Variants in HDHD2 observed in about 807,000 individuals in gnomAD.
HDHD2 encodes haloacid dehalogenase-like hydrolase domain-containing protein 2.
In HDHD2, 26 loss-of-function variants were observed where a neutral mutation model predicts 24.8. That is an observed-to-expected ratio of 1.05 (90% CI 0.77 to 1.45). The LOEUF (loss-of-function observed/expected upper bound fraction) is 1.45, where lower values mean the gene tolerates loss of function less well. Among genes scored for constraint, HDHD2 ranks in the 40% most tolerant of loss-of-function variants. The pLI is 0.00. For missense variants in HDHD2, 299 were observed against 313.4 expected (o/e 0.95, Z 0.35); for synonymous variants, 128 against 114.9 (o/e 1.11, Z -0.73).
intron 2 of HDHD2, among the ~76,000 whole-genome samples, chr18:47,135,614 G>A (rs1346270249): frequency 6.6e-6 from 1 of 152,120 alleles, no homozygotes; most frequent in Non-Finnish European, 1.5e-5. Flanking sequence ...TTTAAGGTTG[G>A]AAAACATGTA....
intron 6 of HDHD2, 46 bp downstream of exon 6, chr18:47,112,931 T>C (rs762816372): frequency 3.4e-6 from 5 of 1,476,852 alleles, no homozygotes. Flanking sequence ...CAACTGTGTA[T>C]TCTACTATTC....
chr18:47,119,252 T>C (rs1476597139), intron 4 of HDHD2, among the ~76,000 whole-genome samples: 1 of 152,154 alleles, frequency 6.6e-6, no homozygotes. Context: ...TAATCTTCCT[T>C]TCATGAAAGA....
chr18:47,119,766 A>G (rs11878050), intron 4 of HDHD2, among the ~76,000 whole-genome samples: 3,998 of 152,248 alleles, frequency 0.026, 60 homozygotes, highest in Non-Finnish European at 0.041. Context: ...GATCCACCAG[A>G]GGAAATCATT....
chr18:47,134,245 G>T (rs2144352471), intron 3 of HDHD2, among the ~76,000 whole-genome samples: 1 of 152,244 alleles, frequency 6.6e-6, no homozygotes, highest in Non-Finnish European at 1.5e-5. Context: ...GCAAGAGTAA[G>T]TATTGCTTAA....
At chr18:47,135,196 G>A (rs1345702708) in intron 2 of HDHD2, among the ~76,000 whole-genome samples, 1 of 151,786 alleles carries the variant, frequency 6.6e-6, no homozygotes, top group Non-Finnish European at 1.5e-5. Flanking sequence ...GAAAGAAAGT[G>A]AGGTTTGTGT....
intron 1 of HDHD2, among the ~76,000 whole-genome samples, chr18:47,138,842 G>A (rs1047087411): frequency 2.6e-5 from 4 of 152,186 alleles, no homozygotes; most frequent in African/African-American, 9.7e-5. Flanking sequence ...TATCCTGGAG[G>A]AAGGAATGCT....
At chr18:47,116,182 CAAT>C (rs1159902386) in intron 4 of HDHD2, among the ~76,000 whole-genome samples, 2 of 152,200 alleles carry the variant, frequency 1.3e-5, no homozygotes, top group Non-Finnish European at 2.9e-5. Context: ...CCATCCATCA[CAAT>C]AATACAGCCT....
intron 1 of HDHD2, among the ~76,000 whole-genome samples, chr18:47,142,807 A>C (rs1435148691): frequency 6.6e-6 from 1 of 152,196 alleles, no homozygotes; most frequent in Non-Finnish European, 1.5e-5. Flanking sequence ...GGGAAAACCA[A>C]GGTCCAGATA....
chr18:47,129,303 GTTCAT>G (rs1221799814), intron 4 of HDHD2, among the ~76,000 whole-genome samples: 1 of 152,110 alleles, frequency 6.6e-6, no homozygotes, highest in African/African-American at 2.4e-5. Flanking sequence ...CAGCAAAATA[GTTCAT>G]TTAAGTGAAA....
chr18:47,135,064 A>T (rs1430909344), intron 2 of HDHD2, among the ~76,000 whole-genome samples: 2 of 152,082 alleles, frequency 1.3e-5, no homozygotes, highest in East Asian at 3.9e-4. Context: ...CATGTTGTCC[A>T]CTGCTTCTCC....
At chr18:47,137,468 T>C (rs1485545484) in intron 1 of HDHD2, 1 of 201,978 alleles carries the variant, frequency 5.0e-6, no homozygotes, top group Non-Finnish European at 1.0e-5. Flanking sequence ...GTAACTGGTA[T>C]ATGTGCACAA....
At chr18:47,118,163 G>A (rs1488980949) in intron 4 of HDHD2, among the ~76,000 whole-genome samples, 1 of 152,158 alleles carries the variant, frequency 6.6e-6, no homozygotes, top group African/African-American at 2.4e-5. Context: ...AGCAGCGAGA[G>A]AAAGCTGAAG....
At chr18:47,109,982 G>A (rs2147455846) in intron 6 of HDHD2, 1 of 985,278 alleles carries the variant, frequency 1.0e-6, no homozygotes, top group East Asian at 1.1e-4. Context: ...GAGAGGGGAG[G>A]GAGGAAATGC....
rs1192534600 is a variant in HDHD2 at position 47,134,669 on chromosome 18, G to A, written c.137C>T (p.Thr46Ile). 1.2e-6 allele frequency: 2 copies of A among 1,613,894 alleles called. No individual in the cohort carries two copies. Among genetic ancestry groups the A allele is most frequent in the Non-Finnish European group, 1.7e-6 (2 of 1,179,984 alleles). ...RGASVIIRFV[T>I]NTTKESKQDL... ...TTGCTTGCTCTCTTTGGTTGTATTG[G>A]TCACAAACCTAATGATTACAGAAGC... Residue 46 changes from threonine to isoleucine, a missense_variant, in exon 3 of 7, where the codon ACC (threonine) becomes ATC (isoleucine). Physicochemically the swap from Thr to Ile is moderately conservative, Grantham distance 89. Transcript: ENST00000300605.
intron 1 of HDHD2, among the ~76,000 whole-genome samples, chr18:47,144,042 C>A (rs1164311744): frequency 1.3e-5 from 2 of 151,820 alleles, no homozygotes; most frequent in Non-Finnish European, 2.9e-5. Flanking sequence ...TAAAGCCTAA[C>A]AATACTAGAT....
At chr18:47,126,164 A>G (rs577319104) in intron 4 of HDHD2, among the ~76,000 whole-genome samples, 1 of 152,344 alleles carries the variant, frequency 6.6e-6, no homozygotes, top group African/African-American at 2.4e-5. Context: ...AGAACACTGC[A>G]TAGCAGTCAA....
At chr18:47,128,405 T>C (rs1332893265) in intron 4 of HDHD2, among the ~76,000 whole-genome samples, 3 of 152,142 alleles carry the variant, frequency 2.0e-5, no homozygotes, top group African/African-American at 7.2e-5. Flanking sequence ...GAAAAAATAA[T>C]AGCAGATTCC....
intron 3 of HDHD2, among the ~76,000 whole-genome samples, chr18:47,132,970 A>G (rs1401008869): frequency 2.6e-5 from 4 of 152,216 alleles, no homozygotes; most frequent in African/African-American, 9.6e-5. Flanking sequence ...TATAATACTC[A>G]AAGTAATTTT....
chr18:47,111,930 G>A (rs1339663038), intron 6 of HDHD2: 1 of 379,100 alleles, frequency 2.6e-6, no homozygotes, highest in Admixed American at 6.4e-5. Flanking sequence ...CAATTAAATA[G>A]TTTTACTACT....
Sources: allele counts gnomAD v4.1 joint callset (sites outside exome capture counted in the v4.1 genomes callset), GRCh38; gene constraint gnomAD v4.1.1; transcripts MANE v1.5; gene names NCBI Gene and HGNC (gene_info 2026-07-23, HGNC 2026-07-21).